ITGA6: variants seen among roughly 807,000 people sequenced by gnomAD.
The protein encoded by ITGA6 is integrin alpha-6.
ITGA6 carries 63 observed loss-of-function variants against 133.6 expected under a neutral mutation model. The ratio of observed to expected loss-of-function variants is 0.47; its 90% confidence interval spans 0.38 to 0.58. The LOEUF (loss-of-function observed/expected upper bound fraction) is 0.58, where lower values mean the gene tolerates loss of function less well. Ranked by LOEUF, ITGA6 falls within the 20% of genes least tolerant of loss-of-function variation. The pLI is 0.00. For missense variants in ITGA6, 1,068 were observed against 1,309.4 expected (o/e 0.82, Z 2.85); for synonymous variants, 434 against 482.0 (o/e 0.90, Z 1.30).
At chr2:172,428,057 CG>C in intron 1 of ITGA6, 87 bp downstream of exon 1, 1 of 1,419,568 alleles carries the variant, frequency 7.0e-7, no homozygotes. Context: ...CCGCCGGCCC[CG>C]GGGAGTAGTT....
chr2:172,471,231 T>C, intron 5 of ITGA6, 126 bp downstream of exon 5: 1 of 1,027,664 alleles, frequency 9.7e-7, no homozygotes, highest in Non-Finnish European at 1.5e-6. Flanking sequence ...CGGGCCACTT[T>C]TGCTGGAATT....
At chr2:172,483,305 C>CATT (rs1462627291) in intron 11 of ITGA6, among the ~76,000 whole-genome samples, 1 of 152,160 alleles carries the variant, frequency 6.6e-6, no homozygotes, top group Non-Finnish European at 1.5e-5. Flanking sequence ...AGAAAGCAAT[C>CATT]GCCTTTTGTG....
At chr2:172,471,237 G>C in intron 5 of ITGA6, 132 bp downstream of exon 5, 2 of 987,100 alleles carry the variant, frequency 2.0e-6, no homozygotes, top group Non-Finnish European at 3.1e-6. Context: ...ACTTTTGCTG[G>C]AATTTGATAA....
intron 1 of ITGA6, among the ~76,000 whole-genome samples, chr2:172,462,181 G>A (rs139776507): frequency 2.0e-5 from 3 of 152,310 alleles, no homozygotes; most frequent in African/African-American, 7.2e-5. Flanking sequence ...ACCTTATCGC[G>A]GTGGGTCCCA....
upstream of ITGA6, chr2:172,427,535 G>T: frequency 8.6e-7 from 1 of 1,163,298 alleles, no homozygotes. Flanking sequence ...GGGGAGGGGC[G>T]GGGCCGGCGT....
chr2:172,491,114 C>A lies in ITGA6; in HGVS notation c.2770C>A (p.Gln924Lys). 6.7e-7 allele frequency: 1 copy of A among 1,499,922 alleles called. No individual in the cohort carries two copies. The highest frequency in any genetic ancestry group is 9.3e-7 in the Non-Finnish European group (1 of 1,076,028). 92.9% of individuals were successfully genotyped at this position (1,499,922 alleles called of 1,614,324 possible). A position where few individuals can be genotyped will look rare whatever the true frequency, so the allele number is the denominator to read the frequency against. ...TTCTTTATTTGCTGAAAGAAAATAC[C>A]AGACTCTTGTAAGTATTTTTCAAGA... ...KFSLFAERKY[Q>K]TLNCSVNVNC... The change falls in exon 21 of 26, where the codon CAG (glutamine) becomes AAG (lysine). Residue 924 changes from glutamine (Q) to lysine (K), a missense_variant. Gln to Lys is a moderately conservative substitution (Grantham distance 53, BLOSUM62 1). Around this residue, in one of 3 missense-constraint regions of ITGA6, gnomAD observed 609 missense variants for 707.2 expected, o/e 0.86. Transcript: ENST00000684293. The surrounding 1 kb of genome is among the most constrained non-coding windows in gnomAD (Gnocchi z 4.4).
intron 23 of ITGA6, among the ~76,000 whole-genome samples, chr2:172,492,507 T>C (rs928162615): frequency 8.5e-5 from 13 of 152,266 alleles, no homozygotes; most frequent in Non-Finnish European, 2.9e-5. Flanking sequence ...CTTTCTCAAC[T>C]TTCTATCCCT....
In ITGA6 at chr2:172,491,028, C is replaced by T. The variant is rs750653591; in HGVS notation, c.2684C>T (p.Ser895Phe). The change falls in exon 21 of 26, where the codon TCT (serine) becomes TTT (phenylalanine). Residue 895 changes from serine (S) to phenylalanine (F), a missense_variant. Around this residue, in one of 3 missense-constraint regions of ITGA6, gnomAD observed 609 missense variants for 707.2 expected, o/e 0.86. Transcript: ENST00000684293. The surrounding 1 kb of genome is among the most constrained non-coding windows in gnomAD (Gnocchi z 4.4). ...KEINSLNLTE[S>F]HNSRKKREIT... ...TTTGGATATAATTTTTTTCAGGAGT[C>T]TCACAACTCAAGAAAGAAACGGGAA... is the stretch of plus-strand genomic sequence containing the variant. The T allele has an allele frequency of 6.5e-7, 1 of 1,527,194 alleles. No individual in the cohort carries two copies. Among genetic ancestry groups the T allele is most frequent in the Non-Finnish European group, 9.1e-7 (1 of 1,102,314 alleles). The allele number at this position is 1,527,194 out of a possible 1,614,324, so 94.6% of individuals were successfully genotyped here. A position where few individuals can be genotyped will look rare whatever the true frequency, so the allele number is the denominator to read the frequency against.
chr2:172,430,676 C>T (rs1052639979), intron 1 of ITGA6, among the ~76,000 whole-genome samples: 1 of 152,140 alleles, frequency 6.6e-6, no homozygotes, highest in Non-Finnish European at 1.5e-5. Flanking sequence ...CAAAACATGT[C>T]GGGTGTTCCT....
intron 9 of ITGA6, among the ~76,000 whole-genome samples, chr2:172,478,694 C>T (rs909071871): frequency 1.1e-4 from 16 of 152,260 alleles, no homozygotes; most frequent in South Asian, 2.1e-4. Flanking sequence ...CAGTAGGCAG[C>T]GCAGAGATGG....
chr2:172,465,898 G>A, intron 2 of ITGA6: 2 of 607,766 alleles, frequency 3.3e-6, no homozygotes, highest in South Asian at 3.8e-5. Context: ...CCGATATGGT[G>A]TAGGGATGTT....
Position 172,490,941 on chromosome 2 carries a change from T to A in ITGA6, c.2680-83T>A, listed in dbSNP as rs16860562. 1.9e-3 allele frequency: 1,498 copies of A among 803,146 alleles called. 18 individuals are homozygous for A. In the African/African-American group the frequency reaches 0.022, roughly 12 times the overall value. 49.8% of individuals were successfully genotyped at this position (803,146 alleles called of 1,614,324 possible). A position where few individuals can be genotyped will look rare whatever the true frequency, so the allele number is the denominator to read the frequency against. The stretch of plus-strand genomic sequence containing the variant: ...TTGATTATGTGAATCTGGCACTGTT[T>A]GGGAGGATATGCTCAAGAGGCTTGT... On this transcript the variant is annotated intron_variant, in intron 20 of 25. Transcript: ENST00000684293.
At chr2:172,452,159 C>T (rs1370439607) in intron 1 of ITGA6, among the ~76,000 whole-genome samples, 1 of 152,102 alleles carries the variant, frequency 6.6e-6, no homozygotes, top group African/African-American at 2.4e-5. Flanking sequence ...CTCAACCTTC[C>T]AGTTCTTTAT....
At chr2:172,436,372 C>T (rs1684320799) in intron 1 of ITGA6, among the ~76,000 whole-genome samples, 2 of 152,214 alleles carry the variant, frequency 1.3e-5, no homozygotes, top group Admixed American at 1.3e-4. Context: ...AAAGCACCTT[C>T]TAAGGCTTGC....
At chr2:172,439,643 C>G (rs115721217) in intron 1 of ITGA6, among the ~76,000 whole-genome samples, 2,526 of 149,024 alleles carry the variant, frequency 0.017, 80 homozygotes, top group African/African-American at 0.057. Context: ...GGTTGCTTTG[C>G]ACTGTGCCTC....
In ITGA6 at chr2:172,487,528, G is replaced by C; in HGVS notation, c.2161-19G>C. 1.9e-6 allele frequency: 3 copies of C among 1,612,936 alleles called. No homozygotes were observed. The highest frequency in any genetic ancestry group is 2.5e-6 in the Non-Finnish European group (3 of 1,178,860). ...TGGCAAATGAGTGGATTGTGACCTA[G>C]CGTGTGTTTCTTTTACAGGAGAAAC... On this transcript the variant is annotated intron_variant, in intron 15 of 25. Coordinates refer to ENST00000684293, the MANE Select transcript of ITGA6 (RefSeq NM_000210.4).
At chr2:172,466,080 C>A (rs1685659900) in intron 2 of ITGA6, 1 of 303,648 alleles carries the variant, frequency 3.3e-6, no homozygotes, top group Non-Finnish European at 6.4e-6. Flanking sequence ...GGAATGAGAG[C>A]TGGCTAACAG....
Position 172,491,387 on chromosome 2 carries a change from C to CT in ITGA6, c.2890-34dup. 1 of 1,582,322 alleles carries CT rather than the reference C, an allele frequency of 6.3e-7. No individual in the cohort carries two copies. Among genetic ancestry groups the CT allele is most frequent in the Non-Finnish European group, 8.7e-7 (1 of 1,151,148 alleles). On this transcript the variant is annotated intron_variant, in intron 22 of 25. Transcript: ENST00000684293. This position sits in a 1 kb window ranked among gnomAD's most constrained non-coding sequence, Gnocchi z 4.4. ...AAGTAATTTGCCTTTGCCTAGGACACTTTTCACTTCCCTAATGCATTCACT... is the reference window on the plus strand; with the variant it reads ...AAGTAATTTGCCTTTGCCTAGGACACTTTTTCACTTCCCTAATGCATTCACT...
chr2:172,504,080 C>G lies in ITGA6; in HGVS notation c.*23-11C>G, dbSNP rs761509832. 2 of 1,553,946 alleles carry G rather than the reference C, an allele frequency of 1.3e-6. No individual in the cohort carries two copies. Among genetic ancestry groups the G allele is most frequent in the East Asian group, 4.6e-5 (2 of 43,652 alleles). On this transcript the variant is annotated splice_polypyrimidine_tract_variant and intron_variant, in intron 25 of 25. Coordinates refer to ENST00000684293, the MANE Select transcript of ITGA6 (RefSeq NM_000210.4). ...TTAATTTGTTTCTCTTTCTCTTTCC[C>G]TCTTCTCTAGTGTGGATTCTTTAAA...
Sources: gnomAD v4.1 joint callset for allele counts (sites outside exome capture counted in the v4.1 genomes callset) on GRCh38, gnomAD v4.1.1 for gene constraint, gnomAD v4.1.1 regional missense constraint, Gnocchi (gnomAD v3.1) non-coding constraint, MANE v1.5 for transcripts, NCBI Gene and HGNC (gene_info 2026-07-23, HGNC 2026-07-21) for gene names.